SLC36A1: variants seen among roughly 807,000 people sequenced by gnomAD.
The protein encoded by SLC36A1 is solute carrier family 36 member 1, also known as proton-coupled amino acid transporter 1.
A neutral mutation model predicts 47.5 loss-of-function variants in SLC36A1; 30 were observed. That is an observed-to-expected ratio of 0.63 (90% CI 0.47 to 0.86). The LOEUF (loss-of-function observed/expected upper bound fraction) is 0.86. SLC36A1 is among the 40% of genes least tolerant of loss of function. The probability of loss-of-function intolerance (pLI) is 0.00; values close to 1 mark genes in which losing one functional copy is unlikely to be tolerated. For synonymous variants in SLC36A1, 255 were observed against 249.7 expected (o/e 1.02, Z -0.20); for missense variants, 517 against 606.0 (o/e 0.85, Z 1.54).
At chr5:151,401,325 C>T in the SLC36A1 span, among the ~76,000 whole-genome samples, 1,912 of 152,068 alleles carry the variant, frequency 0.013, 51 homozygotes, top group African/African-American at 0.044. Context: ...GTCAAAGATC[C>T]GTTGGTTGTA....
At chr5:151,509,980 CT>C in the SLC36A1 span, 1 of 1,603,472 alleles carries the variant, frequency 6.2e-7, no homozygotes, top group Admixed American at 1.7e-5. Flanking sequence ...AGCGCATTCC[CT>C]AACAAGGAGC....
At chr5:151,518,222 A>G in the SLC36A1 span, among the ~76,000 whole-genome samples, 1 of 151,908 alleles carries the variant, frequency 6.6e-6, no homozygotes, top group African/African-American at 2.4e-5. Context: ...CTGTAACTCC[A>G]GTTACTTGGA....
At chr5:151,431,609 A>G in the SLC36A1 span, among the ~76,000 whole-genome samples, 1 of 152,170 alleles carries the variant, frequency 6.6e-6, no homozygotes, top group Non-Finnish European at 1.5e-5. Context: ...TTCCTGTGCT[A>G]TTCACGTGAT....
chr5:151,485,114 A>C (rs1228499135), intron 10 of SLC36A1, among the ~76,000 whole-genome samples: 1 of 152,110 alleles, frequency 6.6e-6, no homozygotes, highest in Non-Finnish European at 1.5e-5. Context: ...CTCCATATTC[A>C]ACCCTCAAGG....
intron 1 of SLC36A1, among the ~76,000 whole-genome samples, chr5:151,455,676 C>T (rs964369896): frequency 2.0e-5 from 3 of 152,084 alleles, no homozygotes; most frequent in Non-Finnish European, 4.4e-5. Context: ...ACACAAAATG[C>T]AATTTTTAAC....
At chr5:151,367,374 T>TTTTTTTTTTTTTCC in the SLC36A1 span, among the ~76,000 whole-genome samples, 207 of 145,520 alleles carry the variant, frequency 1.4e-3, 1 homozygote, top group African/African-American at 5.2e-3. Flanking sequence ...TTTTTTTTTT[T>TTTTTTTTTTTTTCC]CCCCAGGGTA....
At chr5:151,466,521 AT>A (rs59402325) in intron 5 of SLC36A1, among the ~76,000 whole-genome samples, 8,947 of 152,208 alleles carry the variant, frequency 0.059, 801 homozygotes, top group African/African-American at 0.2. Flanking sequence ...ACGGTCTATA[AT>A]TTAATCACTC....
chr5:151,527,957 T>A, the SLC36A1 span: 10 of 1,607,380 alleles, frequency 6.2e-6, no homozygotes, highest in Non-Finnish European at 8.5e-6. Context: ...GTGTCTCTGC[T>A]CTAATGAGCT....
chr5:151,398,908 T>C, the SLC36A1 span, among the ~76,000 whole-genome samples: 2 of 152,148 alleles, frequency 1.3e-5, no homozygotes, highest in Admixed American at 6.5e-5. Flanking sequence ...TTTTGAAATA[T>C]TTCAGACTTA....
chr5:151,447,188 G>T (rs1752978011), upstream of SLC36A1, among the ~76,000 whole-genome samples: 1 of 152,184 alleles, frequency 6.6e-6, no homozygotes, highest in Admixed American at 6.5e-5. Flanking sequence ...AGATAATGTT[G>T]CCCTACCCCA....
the SLC36A1 span, chr5:151,549,231 A>G: frequency 6.7e-7 from 1 of 1,490,514 alleles, no homozygotes; most frequent in Non-Finnish European, 9.2e-7. Flanking sequence ...TCATGCCTCT[A>G]GTGCTTTCCT....
the SLC36A1 span, among the ~76,000 whole-genome samples, chr5:151,431,781 A>G: frequency 6.6e-6 from 1 of 152,136 alleles, no homozygotes; most frequent in African/African-American, 2.4e-5. Flanking sequence ...TTTTTCCTGT[A>G]TAAATTACCC....
chr5:151,472,107 C>T (rs901154082), intron 7 of SLC36A1, among the ~76,000 whole-genome samples: 2 of 152,146 alleles, frequency 1.3e-5, no homozygotes, highest in Non-Finnish European at 2.9e-5. Context: ...GATAGATGTA[C>T]ATATATAGGG....
At chr5:151,530,456 GA>G in the SLC36A1 span, among the ~76,000 whole-genome samples, 1 of 152,158 alleles carries the variant, frequency 6.6e-6, no homozygotes, top group Non-Finnish European at 1.5e-5. Flanking sequence ...CCAAACGATG[GA>G]AAATTCTATT....
the SLC36A1 span, among the ~76,000 whole-genome samples, chr5:151,377,547 C>A: frequency 3.3e-5 from 5 of 151,404 alleles, no homozygotes; most frequent in Non-Finnish European, 5.9e-5. Context: ...CGGGGTTTCA[C>A]CGTGTTAGCC....
chr5:151,461,981 C>G (rs1381904176), intron 2 of SLC36A1, among the ~76,000 whole-genome samples: 1 of 146,714 alleles, frequency 6.8e-6, no homozygotes, highest in African/African-American at 2.5e-5. Context: ...TTTCATAGAA[C>G]TAGAAAGAAC....
the SLC36A1 span, among the ~76,000 whole-genome samples, chr5:151,372,816 A>G: frequency 1.3e-5 from 2 of 152,234 alleles, no homozygotes; most frequent in African/African-American, 4.8e-5. Context: ...TGATAGGTCA[A>G]TAAAAATTAT....
chr5:151,544,764 A>G, the SLC36A1 span: 4 of 1,614,060 alleles, frequency 2.5e-6, no homozygotes, highest in East Asian at 8.9e-5. Context: ...TGTCCCCAAG[A>G]TAGGGGTCAA....
chr5:151,501,277 G>T, the SLC36A1 span, among the ~76,000 whole-genome samples: 2 of 152,192 alleles, frequency 1.3e-5, no homozygotes, highest in Admixed American at 6.5e-5. Flanking sequence ...GCTGGGCTTG[G>T]AATCAAACCT....
Sources: gnomAD v4.1 joint callset for allele counts (sites outside exome capture counted in the v4.1 genomes callset) on GRCh38, gnomAD v4.1.1 for gene constraint, MANE v1.5 for transcripts, NCBI Gene and HGNC (gene_info 2026-07-23, HGNC 2026-07-21) for gene names.